Variants in SAV1 observed in about 807,000 individuals in gnomAD.
SAV1 encodes the protein protein salvador homolog 1.
SAV1 carries 23 observed loss-of-function variants against 47.3 expected under a neutral mutation model. The ratio of observed to expected loss-of-function variants is 0.49; its 90% CI spans 0.35 to 0.69. The LOEUF is 0.69. Among genes scored for constraint, SAV1 ranks in the 30% least tolerant of loss-of-function variants. The pLI is 0.01. For synonymous variants in SAV1, 155 were observed against 159.2 expected (o/e 0.97, Z 0.20); for missense variants, 448 against 457.4 (o/e 0.98, Z 0.19).
chr14:50,649,970 T>G (rs1566743685), intron 2 of SAV1, among the ~76,000 whole-genome samples: 1 of 152,142 alleles, frequency 6.6e-6, no homozygotes, highest in Non-Finnish European at 1.5e-5. Flanking sequence ...GCTTTTAAAA[T>G]TACAGTTGGC....
chr14:50,667,744 T>C (rs934974356), intron 1 of SAV1, 130 bp downstream of exon 1: 7 of 671,428 alleles, frequency 1.0e-5, no homozygotes, highest in Admixed American at 3.0e-5. Flanking sequence ...CACAAGAAAA[T>C]CTCAAAACCA....
chr14:50,635,761 G>A (rs988949967), intron 4 of SAV1, among the ~76,000 whole-genome samples: 2 of 152,164 alleles, frequency 1.3e-5, no homozygotes, highest in Admixed American at 1.3e-4. Flanking sequence ...CCAGGCTGGA[G>A]TGCAGTGGCG....
At chr14:50,663,966 A>G (rs1177746488) in intron 2 of SAV1, among the ~76,000 whole-genome samples, 1 of 152,040 alleles carries the variant, frequency 6.6e-6, no homozygotes, top group Non-Finnish European at 1.5e-5. Flanking sequence ...GCTATTCCCA[A>G]TTTTCCACGT....
At chr14:50,653,283 G>C (rs2039784682) in intron 2 of SAV1, among the ~76,000 whole-genome samples, 1 of 152,134 alleles carries the variant, frequency 6.6e-6, no homozygotes, top group African/African-American at 2.4e-5. Flanking sequence ...TGAGTTCATG[G>C]TTACTTTTGT....
At chr14:50,653,966 T>A (rs186831296) in intron 2 of SAV1, among the ~76,000 whole-genome samples, 1 of 152,148 alleles carries the variant, frequency 6.6e-6, no homozygotes, top group African/African-American at 2.4e-5. Context: ...ATAAAAAAAA[T>A]TGTATTGCTA....
At position 50,646,092 on chromosome 14, in the gene SAV1, T is replaced by C. The variant is rs796680387; in HGVS notation, c.536-1078A>G. Among the ~76,000 whole-genome samples the C allele has an allele frequency of 2.0e-5, 3 of 152,278 alleles. No individual in the cohort carries two copies. The South Asian group carries it at 6.2e-4, about 32-fold the overall frequency. On this transcript the variant is annotated intron_variant, in intron 2 of 4. Transcript: ENST00000324679. ...GAGTCCCCCCCTTATCCATGGGGGATCCATTCCAAGACCTCCCGTAGATGC... is the reference window on the plus strand; with the variant it reads ...GAGTCCCCCCCTTATCCATGGGGGACCCATTCCAAGACCTCCCGTAGATGC...
Position 50,665,627 on chromosome 14 carries a change from A to G in SAV1, c.95-8T>C. Reference sequence around the variant, plus strand: ...TGAATGAAGGCATAAGATCTACAATAAAACAAAGGATAAAATTACCCTTTC... The same window carrying G: ...TGAATGAAGGCATAAGATCTACAATGAAACAAAGGATAAAATTACCCTTTC... On this transcript the variant is annotated splice_region_variant and splice_polypyrimidine_tract_variant and intron_variant, in intron 1 of 4. Coordinates refer to ENST00000324679, the MANE Select transcript of SAV1 (RefSeq NM_021818.4). 6.4e-7 allele frequency: 1 copy of G among 1,563,838 alleles called. No homozygotes were observed. Among genetic ancestry groups the G allele is most frequent in the Admixed American group, 2.0e-5 (1 of 49,842 alleles).
chr14:50,659,791 C>T (rs1372814833), intron 2 of SAV1, among the ~76,000 whole-genome samples: 1 of 152,206 alleles, frequency 6.6e-6, no homozygotes, highest in African/African-American at 2.4e-5. Context: ...CTGCAGTGAG[C>T]TGTGATCATG....
intron 2 of SAV1, among the ~76,000 whole-genome samples, chr14:50,655,209 C>CTTTACATTCTAATATGTTCT (rs1303755150): frequency 6.6e-6 from 1 of 152,124 alleles, no homozygotes; most frequent in Non-Finnish European, 1.5e-5. Context: ...CGTAGAAACA[C>CTTTACATTCTAATATGTTCT]AAAATTACTT....
At chr14:50,658,414 A>G (rs2039830834) in intron 2 of SAV1, among the ~76,000 whole-genome samples, 1 of 152,182 alleles carries the variant, frequency 6.6e-6, no homozygotes, top group Non-Finnish European at 1.5e-5. Context: ...AACATACAGT[A>G]AGTGCGTGAC....
At chr14:50,663,489 G>T (rs1042951378) in intron 2 of SAV1, among the ~76,000 whole-genome samples, 3 of 152,132 alleles carry the variant, frequency 2.0e-5, no homozygotes, top group Non-Finnish European at 2.9e-5. Context: ...ACTAAAAGGT[G>T]CTTTTACCCA....
chr14:50,665,179 C>T lies in SAV1; in HGVS notation c.535G>A (p.Gly179Ser), dbSNP rs768861065. Residue 179 changes from glycine (G) to serine (S), a missense_variant and splice_region_variant, in exon 2 of 5, where the codon GGT becomes AGT. Physicochemically the swap from Gly to Ser is moderately conservative, Grantham distance 56. Coordinates refer to ENST00000324679, the MANE Select transcript of SAV1 (RefSeq NM_021818.4). ...TATATTATTTATAATGTTAAGCTAC[C>T]TGAAGCATGCCTCCCCTGATTCTGT... ...MPQNQGRHAS[G>S]IGRVAATSLG... 1 of 1,558,400 alleles carries T rather than the reference C, an allele frequency of 6.4e-7. No homozygotes were observed. Among genetic ancestry groups the T allele is most frequent in the Non-Finnish European group, 8.6e-7 (1 of 1,157,516 alleles).
intron 2 of SAV1, among the ~76,000 whole-genome samples, chr14:50,655,922 G>C (rs1307847263): frequency 6.6e-6 from 1 of 152,100 alleles, no homozygotes; most frequent in Non-Finnish European, 1.5e-5. Flanking sequence ...GCATATGCCT[G>C]TAATTCCAGC....
chr14:50,663,317 A>T (rs1384635117), intron 2 of SAV1: 1 of 152,256 alleles, frequency 6.6e-6, no homozygotes, highest in Non-Finnish European at 1.5e-5. Context: ...TTCCTGTAAT[A>T]AGCAGTTATT....
Position 50,634,413 on chromosome 14 carries a change from C to G in SAV1, c.*770G>C. 1.2e-5 allele frequency: 3 copies of G among 243,290 alleles called. No individual in the cohort carries two copies. The highest frequency in any genetic ancestry group is 8.4e-6 in the Non-Finnish European group (1 of 118,560). 15.1% of individuals were successfully genotyped at this position (243,290 alleles called of 1,614,324 possible). On this transcript the variant is annotated 3_prime_UTR_variant, in exon 5 of 5. Coordinates refer to ENST00000324679, the MANE Select transcript of SAV1 (RefSeq NM_021818.4). The stretch of plus-strand genomic sequence containing the variant: ...CTCTCAGGCTGCAGTGCAAGTGGTG[C>G]GATCTTGACCCTGCAACCTCTGCCT...
rs1163796755 is a variant in SAV1, at chr14:50,635,172, A to T, written c.*11T>A. ...AAGCTCTTACAAAACTTAAATTTTT[A>T]AAAAATCAGCTCAAAAATTTTTTCC... On this transcript the variant is annotated 3_prime_UTR_variant, in exon 5 of 5. Transcript: ENST00000324679. The T allele has an allele frequency of 6.8e-6, 11 of 1,608,804 alleles. No homozygotes were observed. Among genetic ancestry groups the T allele is most frequent in the Admixed American group, 3.4e-5 (2 of 59,522 alleles).
At chr14:50,660,027 G>A (rs2039845628) in intron 2 of SAV1, among the ~76,000 whole-genome samples, 1 of 152,076 alleles carries the variant, frequency 6.6e-6, no homozygotes, top group Admixed American at 6.5e-5. Flanking sequence ...TTTTTTCCCA[G>A]CTTTCTTTCC....
At position 50,644,872 on chromosome 14, in the gene SAV1, G is replaced by A; in HGVS notation, c.678C>T (p.His226=). The part of the protein sequence containing the change: ...YYIDHNTNTT[H]WSHPLEREGL... ...CTTCTCGCTCAAGAGGATGGCTCCAGTGAGTTGTATTTGTGTTATGATCTA... is the reference window on the plus strand; with the variant it reads ...CTTCTCGCTCAAGAGGATGGCTCCAATGAGTTGTATTTGTGTTATGATCTA... The change falls in exon 3 of 5, where the codon CAC becomes CAT. Residue 226 remains histidine, a synonymous_variant. Transcript: ENST00000324679. The A allele has an allele frequency of 6.2e-7, 1 of 1,614,142 alleles. No individual in the cohort carries two copies. Among genetic ancestry groups the A allele is most frequent in the Non-Finnish European group, 8.5e-7 (1 of 1,180,034 alleles).
intron 2 of SAV1, among the ~76,000 whole-genome samples, chr14:50,650,508 C>T (rs1419470233): frequency 6.6e-6 from 1 of 152,200 alleles, no homozygotes; most frequent in African/African-American, 2.4e-5. Context: ...ACACCCTTGT[C>T]TGTGTGACCA....
Sources: allele counts gnomAD v4.1 joint callset (sites outside exome capture counted in the v4.1 genomes callset), GRCh38; gene constraint gnomAD v4.1.1; transcripts MANE v1.5; gene names NCBI Gene and HGNC (gene_info 2026-07-23, HGNC 2026-07-21).